PDE8B: variants seen among roughly 807,000 people sequenced by gnomAD.
The protein encoded by PDE8B is phosphodiesterase 8B.
Under a neutral mutation model 101.3 loss-of-function variants are expected in PDE8B, and 26 were observed. The ratio of observed to expected loss-of-function variants is 0.26; its 90% CI spans 0.19 to 0.36. The LOEUF (loss-of-function observed/expected upper bound fraction) is 0.36. Among genes scored for constraint, PDE8B ranks in the 10% least tolerant of loss-of-function variants. The probability of loss-of-function intolerance (pLI) is 1.00; values close to 1 mark genes in which losing one functional copy is unlikely to be tolerated. For synonymous variants in PDE8B, 424 were observed against 429.3 expected (o/e 0.99, Z 0.15); for missense variants, 810 against 1,163.1 (o/e 0.70, Z 4.42).
At chr5:77,426,317 C>T in intron 21 of PDE8B, 128 bp from the exon 22 acceptor site, 1 of 715,916 alleles carries the variant, frequency 1.4e-6, no homozygotes, top group South Asian at 1.5e-5. Context: ...ATGACTTGTC[C>T]TCATGCTTCG....
At chr5:77,258,314 A>C (rs1759638679) in intron 1 of PDE8B, among the ~76,000 whole-genome samples, 2 of 148,806 alleles carry the variant, frequency 1.3e-5, no homozygotes, top group South Asian at 2.2e-4. Context: ...AAAAAAAGGA[A>C]CCCAGAGCAG....
the PDE8B span, among the ~76,000 whole-genome samples, chr5:77,137,502 G>A: frequency 1.3e-5 from 2 of 152,182 alleles, no homozygotes; most frequent in South Asian, 2.1e-4. Context: ...CAAGGTGGAC[G>A]CAGTTTATTT....
At chr5:77,094,379 G>A in the PDE8B span, among the ~76,000 whole-genome samples, 2 of 152,124 alleles carry the variant, frequency 1.3e-5, no homozygotes, top group East Asian at 1.9e-4. Context: ...GTGTAATCAT[G>A]GCTCACTACA....
chr5:77,318,054 T>TAAA (rs1774158034), intron 2 of PDE8B, among the ~76,000 whole-genome samples: 1 of 27,252 alleles, frequency 3.7e-5, no homozygotes, highest in African/African-American at 1.6e-4. Flanking sequence ...AGACTCCATC[T>TAAA]CAAAAAAAAA....
intron 6 of PDE8B, among the ~76,000 whole-genome samples, chr5:77,343,714 T>G (rs1180266649): frequency 6.6e-6 from 1 of 152,194 alleles, no homozygotes; most frequent in African/African-American, 2.4e-5. Context: ...TAAATTAGCC[T>G]TAGCTTACTG....
At chr5:77,242,330 C>A (rs940734335) in intron 1 of PDE8B, among the ~76,000 whole-genome samples, 21 of 152,190 alleles carry the variant, frequency 1.4e-4, no homozygotes, top group African/African-American at 4.8e-4. Context: ...ATATCAGTAG[C>A]AAACGTGCTT....
chr5:77,122,074 C>G, the PDE8B span, among the ~76,000 whole-genome samples: 2 of 152,326 alleles, frequency 1.3e-5, no homozygotes, highest in South Asian at 4.1e-4. Context: ...CCATTTTCCA[C>G]CATTTGCTCT....
the PDE8B span, chr5:77,100,324 A>G: frequency 3.3e-5 from 5 of 152,376 alleles, no homozygotes; most frequent in East Asian, 9.6e-4. Context: ...ACATGCATAC[A>G]GTTGAATGGA....
chr5:77,168,509 C>T, the PDE8B span, among the ~76,000 whole-genome samples: 42 of 152,384 alleles, frequency 2.8e-4, no homozygotes, highest in Admixed American at 1.5e-3. Context: ...CCCACTCCTC[C>T]TGCCCCTCTG....
At chr5:77,351,900 C>T (rs756781094) in intron 9 of PDE8B, among the ~76,000 whole-genome samples, 1 of 152,106 alleles carries the variant, frequency 6.6e-6, no homozygotes, top group Non-Finnish European at 1.5e-5. Context: ...GGAACAGGAG[C>T]CCCACCTGTG....
At chr5:77,303,630 G>C (rs933589475) in intron 1 of PDE8B, among the ~76,000 whole-genome samples, 2 of 151,924 alleles carry the variant, frequency 1.3e-5, no homozygotes, top group Non-Finnish European at 2.9e-5. Context: ...TTGAAGCCCC[G>C]GCACTTCTCT....
rs149778565 is a variant in PDE8B at position 77,226,144 on chromosome 5, T to C, written c.339+14880T>C. Among the ~76,000 whole-genome samples, 340 of 151,926 alleles carry C rather than the reference T, an allele frequency of 2.2e-3. 1 individual carries two copies. Among genetic ancestry groups the C allele is most frequent in the African/African-American group, 7.7e-3 (318 of 41,402 alleles). On this transcript the variant is annotated intron_variant, in intron 1 of 21. Coordinates refer to ENST00000264917, the MANE Select transcript of PDE8B (RefSeq NM_003719.5). ...TTCCTTTTGATTTGGTCTTCTTTAATGTTTAGTTTAGTGTTATAAGAATGT... is the reference window on the plus strand; with the variant it reads ...TTCCTTTTGATTTGGTCTTCTTTAACGTTTAGTTTAGTGTTATAAGAATGT...
At chr5:77,284,891 A>T (rs1036244097) in intron 1 of PDE8B, among the ~76,000 whole-genome samples, 3 of 152,148 alleles carry the variant, frequency 2.0e-5, no homozygotes, top group Non-Finnish European at 4.4e-5. Context: ...AGATGTTTCC[A>T]TTTGGAGCTG....
chr5:77,153,927 CTCTT>C, the PDE8B span, among the ~76,000 whole-genome samples: 6 of 152,162 alleles, frequency 3.9e-5, no homozygotes, highest in Non-Finnish European at 5.9e-5. Context: ...CTTGGCCTCT[CTCTT>C]TTCTCAATCC....
At chr5:77,373,729 T>G (rs1325574145) in intron 10 of PDE8B, among the ~76,000 whole-genome samples, 2 of 152,246 alleles carry the variant, frequency 1.3e-5, no homozygotes, top group Non-Finnish European at 2.9e-5. Context: ...AATGTATCCA[T>G]TTAAAGTGTA....
chr5:77,272,313 G>T (rs1762965444), intron 1 of PDE8B, among the ~76,000 whole-genome samples: 1 of 152,186 alleles, frequency 6.6e-6, no homozygotes, highest in African/African-American at 2.4e-5. Flanking sequence ...TTTGCAGAGA[G>T]AACAGCCAAG....
At chr5:77,193,416 A>T in the PDE8B span, among the ~76,000 whole-genome samples, 15 of 152,160 alleles carry the variant, frequency 9.9e-5, no homozygotes, top group African/African-American at 2.9e-4. Flanking sequence ...TTCCACCACC[A>T]TTTGTTGAAA....
chr5:77,253,860 A>G (rs1250109963), intron 1 of PDE8B, among the ~76,000 whole-genome samples: 1 of 152,078 alleles, frequency 6.6e-6, no homozygotes, highest in Non-Finnish European at 1.5e-5. Flanking sequence ...GATTGATTCA[A>G]TACAATTGAA....
chr5:77,359,694 C>T (rs2150540558), intron 10 of PDE8B, among the ~76,000 whole-genome samples: 1 of 152,266 alleles, frequency 6.6e-6, no homozygotes, highest in African/African-American at 2.4e-5. Flanking sequence ...AATGCCTGCT[C>T]ACCAGTAATA....
Sources: gnomAD v4.1 joint callset for allele counts (sites outside exome capture counted in the v4.1 genomes callset) on GRCh38, gnomAD v4.1.1 for gene constraint, MANE v1.5 for transcripts, NCBI Gene and HGNC (gene_info 2026-07-23, HGNC 2026-07-21) for gene names.